The following GLYAT variants were observed in gnomAD, a reference collection of about 807,000 sequenced individuals.
GLYAT encodes glycine N-acyltransferase.
In GLYAT, 25 loss-of-function variants were observed where a neutral mutation model predicts 22.8. That is an observed-to-expected ratio of 1.09 (90% CI 0.80 to 1.53). GLYAT has a LOEUF of 1.53. GLYAT is among the 40% of genes most tolerant of loss of function. The probability of loss-of-function intolerance (pLI) is 0.00; values close to 1 mark genes in which losing one functional copy is unlikely to be tolerated. For missense variants in GLYAT, 411 were observed against 353.9 expected (o/e 1.16, Z -1.29); for synonymous variants, 140 against 122.7 (o/e 1.14, Z -0.93).
At chr11:58,727,145 G>T (rs1044905755) in intron 1 of GLYAT, among the ~76,000 whole-genome samples, 1 of 152,186 alleles carries the variant, frequency 6.6e-6, no homozygotes, top group Non-Finnish European at 1.5e-5. Flanking sequence ...CACTGGCAGA[G>T]CTGGGGTTTC....
At chr11:58,711,279 G>A (rs369046720) in intron 4 of GLYAT, among the ~76,000 whole-genome samples, 9 of 152,296 alleles carry the variant, frequency 5.9e-5, no homozygotes, top group Admixed American at 3.3e-4. Flanking sequence ...AATGCAGAAT[G>A]TGAGGCCCTG....
intron 2 of GLYAT, among the ~76,000 whole-genome samples, chr11:58,721,562 T>A (rs1856750488): frequency 6.6e-6 from 1 of 152,026 alleles, no homozygotes; most frequent in African/African-American, 2.4e-5. Context: ...GGCCTTCAAA[T>A]ACAAACATGC....
At chr11:58,727,919 G>A (rs901105708) in intron 1 of GLYAT, among the ~76,000 whole-genome samples, 1 of 152,092 alleles carries the variant, frequency 6.6e-6, no homozygotes, top group Non-Finnish European at 1.5e-5. Flanking sequence ...ATGGACACAA[G>A]AGCCCAGAAA....
At chr11:58,730,893 C>A (rs1258509865) in intron 1 of GLYAT, among the ~76,000 whole-genome samples, 1 of 152,122 alleles carries the variant, frequency 6.6e-6, no homozygotes, top group Non-Finnish European at 1.5e-5. Flanking sequence ...CAGAGTGATG[C>A]AACCCTAAGG....
At chr11:58,728,789 TA>T (rs1430637091) in intron 1 of GLYAT, 1 of 118,320 alleles carries the variant, frequency 8.5e-6, no homozygotes, top group African/African-American at 3.3e-5. Flanking sequence ...GTTGAGAGAG[TA>T]AACAGAGAGA....
At chr11:58,716,857 T>A (rs553434004) in intron 2 of GLYAT, among the ~76,000 whole-genome samples, 1 of 152,200 alleles carries the variant, frequency 6.6e-6, no homozygotes, top group Admixed American at 6.5e-5. Context: ...TAGGGAGATA[T>A]GATACCTCAA....
intron 3 of GLYAT, among the ~76,000 whole-genome samples, chr11:58,714,907 C>CT (rs1027562683): frequency 1.8e-4 from 27 of 151,910 alleles, no homozygotes; most frequent in African/African-American, 5.1e-4. Context: ...ACTCATTGTC[C>CT]TTTTTTTTAC....
chr11:58,710,400 A>G (rs975155520), intron 5 of GLYAT, 190 bp downstream of exon 5: 6 of 744,522 alleles, frequency 8.1e-6, no homozygotes, highest in Non-Finnish European at 1.1e-5. Context: ...GGTTTATTCT[A>G]GATGAGAAGG....
At chr11:58,712,383 A>T (rs1277040775) in intron 4 of GLYAT, among the ~76,000 whole-genome samples, 1 of 152,154 alleles carries the variant, frequency 6.6e-6, no homozygotes, top group African/African-American at 2.4e-5. Context: ...AGTTGGAACC[A>T]TGATAGTTGT....
Position 58,710,725 on chromosome 11 carries a change from A to G in GLYAT, c.353T>C (p.Leu118Pro). 1.9e-6 allele frequency: 3 copies of G among 1,612,600 alleles called. No individual in the cohort carries two copies. The highest frequency in any genetic ancestry group is 2.5e-6 in the Non-Finnish European group (3 of 1,178,634). The change falls in exon 5 of 6, where the codon CTT becomes CCT. Residue 118 changes from leucine to proline, a missense_variant. By Grantham distance (98) the Leu-to-Pro change is moderately conservative. Coordinates refer to ENST00000344743, the MANE Select transcript of GLYAT (RefSeq NM_201648.3). ...GACTTTGAAGGACTTAATGGCTGCA[A>G]GATTTTGTATAGCCTCATTCAGGCT... ...QPSLNEAIQNLAAIKSFKVKQ... is the reference protein window; with the variant it reads ...QPSLNEAIQNPAAIKSFKVKQ...
At position 58,716,804 on chromosome 11, in the gene GLYAT, C is replaced by T. The variant is rs142352096; in HGVS notation, c.82-1381G>A. ...AAACAGCCTTGGGAAGTCCTGACGA[C>T]ACATGCCCAAGGTGGCTGGGCACAG... is the stretch of plus-strand genomic sequence containing the variant. On this transcript the variant is annotated intron_variant, in intron 2 of 5. Transcript: ENST00000344743. Among the ~76,000 whole-genome samples, 791 of 152,202 alleles carry T rather than the reference C, an allele frequency of 5.2e-3. 13 individuals carry two copies. The highest frequency in any genetic ancestry group is 0.017 in the African/African-American group (691 of 41,528).
At chr11:58,715,734 C>G (rs972624284) in intron 2 of GLYAT, among the ~76,000 whole-genome samples, 1 of 152,132 alleles carries the variant, frequency 6.6e-6, no homozygotes, top group Non-Finnish European at 1.5e-5. Context: ...ACCTATTTCT[C>G]TATTCACAAG....
intron 1 of GLYAT, among the ~76,000 whole-genome samples, chr11:58,726,363 G>T (rs1479025048): frequency 6.6e-6 from 1 of 152,086 alleles, no homozygotes; most frequent in Non-Finnish European, 1.5e-5. Context: ...TTGTTCTGTG[G>T]ATTTGGCCTC....
At chr11:58,721,675 A>G (rs969537833) in intron 2 of GLYAT, among the ~76,000 whole-genome samples, 3 of 152,058 alleles carry the variant, frequency 2.0e-5, no homozygotes, top group Non-Finnish European at 2.9e-5. Context: ...TCTTATTACC[A>G]TATTTCAGTT....
intron 1 of GLYAT, among the ~76,000 whole-genome samples, chr11:58,728,109 C>T (rs1188773807): frequency 7.4e-6 from 1 of 135,842 alleles, no homozygotes; most frequent in Non-Finnish European, 1.5e-5. Flanking sequence ...GTCACCCACA[C>T]TGGAGTGCAG....
At chr11:58,726,384 T>C (rs1458914728) in intron 1 of GLYAT, among the ~76,000 whole-genome samples, 2 of 152,078 alleles carry the variant, frequency 1.3e-5, no homozygotes, top group Non-Finnish European at 2.9e-5. Context: ...TTGCTAGCTG[T>C]CAGGGCAGTA....
intron 4 of GLYAT, 52 bp from the exon 5 acceptor site, chr11:58,710,813 A>C: frequency 3.6e-6 from 4 of 1,124,394 alleles, no homozygotes; most frequent in Non-Finnish European, 4.1e-6. Context: ...TTCTAGACTG[A>C]AGTTCTGCAG....
At chr11:58,711,152 T>C (rs1856612133) in intron 4 of GLYAT, among the ~76,000 whole-genome samples, 1 of 152,228 alleles carries the variant, frequency 6.6e-6, no homozygotes, top group South Asian at 2.1e-4. Flanking sequence ...CTGTTCCTCT[T>C]CCTTACTTGG....
rs758956141 is a variant in GLYAT, at chr11:58,724,428, T to C, written c.69A>G (p.Pro23=). Residue 23 remains proline, a synonymous_variant, in exon 2 of 6, where the codon CCA becomes CCG. Coordinates refer to ENST00000344743, the MANE Select transcript of GLYAT (RefSeq NM_201648.3). ...TTTCCATTATCACCTTTAAGGATGC[T>C]GGGAGGCTCTTCCTCAAGGATTTCT... ...MLEKSLRKSL[P]ASLKVYGTVF... 11 of 1,595,816 alleles carry C rather than the reference T, an allele frequency of 6.9e-6. No homozygotes were observed. The Middle Eastern group carries it at 6.6e-4, about 96-fold the overall frequency.
Sources: gnomAD v4.1 joint callset for allele counts (sites outside exome capture counted in the v4.1 genomes callset) on GRCh38, gnomAD v4.1.1 for gene constraint, MANE v1.5 for transcripts, NCBI Gene and HGNC (gene_info 2026-07-23, HGNC 2026-07-21) for gene names.